The following WFDC5 variants were observed in gnomAD, a reference collection of about 807,000 sequenced individuals.
WFDC5 encodes WAP four-disulfide core domain protein 5.
Under a neutral mutation model 15.7 loss-of-function variants are expected in WFDC5, and 15 were observed. The observed-to-expected ratio is 0.96, with a 90% CI of 0.64 to 1.47. WFDC5 has a LOEUF of 1.47. WFDC5 is among the 40% of genes most tolerant of loss of function. The pLI, the probability that WFDC5 is intolerant of heterozygous loss-of-function variation, is 0.00. For missense variants in WFDC5, 280 were observed against 258.0 expected, an observed-to-expected ratio of 1.09 and a Z score of -0.59; for synonymous variants, 109 against 107.7, an observed-to-expected ratio of 1.01 and a Z score of -0.07.
At chr20:45,109,951 G>A (rs750840472) in exon 4 of WFDC5, 15 of 1,613,274 alleles carry the variant, frequency 9.3e-6, no homozygotes, top group South Asian at 4.4e-5. Context: ...GCCTCCCATC[G>A]TGAACTCTTT....
chr20:45,109,634 A>G (rs940035383), exon 4 of WFDC5: 10 of 647,196 alleles, frequency 1.5e-5, no homozygotes, highest in Admixed American at 1.2e-4. Context: ...AAGAATATTC[A>G]TTCTGGATGG....
chr20:45,114,110 A>G (rs559948931), intron 1 of WFDC5, among the ~76,000 whole-genome samples: 1 of 152,366 alleles, frequency 6.6e-6, no homozygotes, highest in South Asian at 2.1e-4. Flanking sequence ...TCGAGGAGTT[A>G]CGTGATGATG....
exon 1 of WFDC5, chr20:45,115,041 C>T: frequency 4.3e-6 from 7 of 1,613,676 alleles, no homozygotes; most frequent in Non-Finnish European, 5.9e-6. Context: ...TGACTCCCCA[C>T]AGCCAGGAGG....
intron 1 of WFDC5, among the ~76,000 whole-genome samples, chr20:45,112,890 C>T (rs1032866232): frequency 6.6e-6 from 1 of 152,114 alleles, no homozygotes; most frequent in African/African-American, 2.4e-5. Context: ...AACAGGCAGT[C>T]ATGTATGTAC....
intron 1 of WFDC5, 41 bp from the exon 2 acceptor site, chr20:45,110,816 A>G: frequency 1.2e-6 from 2 of 1,609,846 alleles, no homozygotes; most frequent in East Asian, 2.2e-5. Flanking sequence ...GAGGAAGCTC[A>G]CGGTTATGTA....
chr20:45,111,193 T>C (rs954413417), intron 1 of WFDC5, among the ~76,000 whole-genome samples: 3 of 152,152 alleles, frequency 2.0e-5, no homozygotes, highest in Non-Finnish European at 4.4e-5. Context: ...CTGTACTCCA[T>C]GCGCCTGGTC....
chr20:45,111,294 G>A (rs1288994234), intron 1 of WFDC5, among the ~76,000 whole-genome samples: 4 of 70,682 alleles, frequency 5.7e-5, no homozygotes, highest in African/African-American at 2.0e-4. Context: ...CCCCACCCCG[G>A]CCCCCACACA....
At chr20:45,112,458 C>A (rs1292342093) in intron 1 of WFDC5, among the ~76,000 whole-genome samples, 2 of 152,110 alleles carry the variant, frequency 1.3e-5, no homozygotes. Context: ...CTGGCGTGTG[C>A]AGAGCCGGCG....
intron 1 of WFDC5, among the ~76,000 whole-genome samples, chr20:45,111,552 C>G (rs1461060266): frequency 1.3e-5 from 2 of 152,224 alleles, no homozygotes; most frequent in Non-Finnish European, 2.9e-5. Flanking sequence ...CTGGCCACGT[C>G]TTCTGCACCG....
exon 1 of WFDC5, chr20:45,115,096 G>A (rs371339713): frequency 5.8e-5 from 93 of 1,610,794 alleles, no homozygotes; most frequent in Middle Eastern, 1.6e-4. Flanking sequence ...TTCTGCTGCC[G>A]GCTCAGGGCC....
chr20:45,110,312 C>T, intron 3 of WFDC5, 88 bp downstream of exon 3: 2 of 1,527,574 alleles, frequency 1.3e-6, no homozygotes, highest in South Asian at 2.4e-5. Flanking sequence ...TCTGGGGAGG[C>T]ATCCTGTTAA....
chr20:45,109,733 T>C, exon 4 of WFDC5: 1 of 717,920 alleles, frequency 1.4e-6, no homozygotes, highest in Non-Finnish European at 2.6e-6. Context: ...GTGAAAGCGT[T>C]AGGAAGGGTG....
At chr20:45,112,195 A>G (rs1178366562) in intron 1 of WFDC5, among the ~76,000 whole-genome samples, 1 of 152,112 alleles carries the variant, frequency 6.6e-6, no homozygotes, top group African/African-American at 2.4e-5. Flanking sequence ...GTTCCTGGGA[A>G]ACTGTCTGAG....
In WFDC5 at chr20:45,109,847, A is replaced by G. The variant is rs1981560397; in HGVS notation, c.560T>C (p.Ile187Thr). ...TCCCAGGAGGAGAAACCAGGGGTGG[A>G]TGGGTTGCAGGGAAGTGTCAGCAGG... is the stretch of plus-strand genomic sequence containing the variant. The change falls in exon 4 of 4, where the codon ATC becomes ACC. Residue 187 changes from isoleucine (I) to threonine (T), a missense_variant. Transcript: ENST00000307971. 8 of 1,009,726 alleles carry G rather than the reference A, an allele frequency of 7.9e-6. No homozygotes were observed. In the East Asian group the frequency reaches 2.0e-4, roughly 25 times the overall value. 62.5% of individuals were successfully genotyped at this position (1,009,726 alleles called of 1,614,324 possible). A position where few individuals can be genotyped will look rare whatever the true frequency, so the allele number is the denominator to read the frequency against.
At chr20:45,111,195 C>A (rs997870730) in intron 1 of WFDC5, among the ~76,000 whole-genome samples, 1 of 152,180 alleles carries the variant, frequency 6.6e-6, no homozygotes, top group East Asian at 1.9e-4. Flanking sequence ...GTACTCCATG[C>A]GCCTGGTCAG....
chr20:45,110,679 C>T, exon 2 of WFDC5: 3 of 1,614,138 alleles, frequency 1.9e-6, no homozygotes, highest in Non-Finnish European at 2.5e-6. Context: ...TCTGTAGCAG[C>T]ACTTCCTGGT....
At chr20:45,112,547 C>A (rs1981650018) in intron 1 of WFDC5, among the ~76,000 whole-genome samples, 1 of 152,230 alleles carries the variant, frequency 6.6e-6, no homozygotes, top group Non-Finnish European at 1.5e-5. Flanking sequence ...TCTCCACTCA[C>A]AGATGTGTAC....
At chr20:45,115,194 C>T (rs976585889), upstream of WFDC5, 34 of 993,736 alleles carry the variant, frequency 3.4e-5, no homozygotes, top group Admixed American at 5.2e-5. Context: ...GGAGTGACAC[C>T]GTGCCTGCTT....
At chr20:45,109,780 G>A in exon 4 of WFDC5, 1 of 724,448 alleles carries the variant, frequency 1.4e-6, no homozygotes, top group Non-Finnish European at 2.6e-6. Context: ...GTACTGGGGT[G>A]ATACAGAGGC....
Sources: gnomAD v4.1 joint callset for allele counts (sites outside exome capture counted in the v4.1 genomes callset) on GRCh38, gnomAD v4.1.1 for gene constraint, MANE v1.5 for transcripts, NCBI Gene and HGNC (gene_info 2026-07-23, HGNC 2026-07-21) for gene names.